Variants in POU6F2 observed in about 807,000 individuals in gnomAD.
POU6F2 encodes POU domain, class 6, transcription factor 2.
A neutral mutation model predicts 71.3 loss-of-function variants in POU6F2; 31 were observed. The ratio of observed to expected loss-of-function variants is 0.43; its 90% confidence interval spans 0.33 to 0.59. The LOEUF is 0.59. Ranked by LOEUF, POU6F2 falls within the 20% of genes least tolerant of loss-of-function variation. The pLI is 0.04. For synonymous variants in POU6F2, 347 were observed against 355.7 expected (o/e 0.98, Z 0.27); for missense variants, 783 against 856.8 (o/e 0.91, Z 1.07).
At chr7:39,308,877 G>A (rs889492813) in intron 4 of POU6F2, among the ~76,000 whole-genome samples, 3 of 152,244 alleles carry the variant, frequency 2.0e-5, no homozygotes, top group African/African-American at 4.8e-5. Flanking sequence ...GAATTGATCC[G>A]CCTACCTTCC....
chr7:39,413,779 A>C (rs1349178969), intron 6 of POU6F2, among the ~76,000 whole-genome samples: 2 of 152,330 alleles, frequency 1.3e-5, no homozygotes, highest in East Asian at 3.9e-4. Context: ...CCCTGACTTC[A>C]TCTGAGTTAT....
At chr7:39,082,770 G>T (rs1791149569) in intron 1 of POU6F2, among the ~76,000 whole-genome samples, 1 of 148,706 alleles carries the variant, frequency 6.7e-6, no homozygotes, top group Admixed American at 6.8e-5. Flanking sequence ...GCCTCACTAG[G>T]GGTTTGCTGT....
chr7:39,284,256 G>T (rs143911905), intron 4 of POU6F2, among the ~76,000 whole-genome samples: 82 of 152,318 alleles, frequency 5.4e-4, no homozygotes, highest in Non-Finnish European at 1.0e-3. Context: ...CTGTATAAGT[G>T]CATGTTTGTA....
chr7:39,160,642 C>T (rs1190610119), intron 2 of POU6F2, among the ~76,000 whole-genome samples: 1 of 152,186 alleles, frequency 6.6e-6, no homozygotes, highest in Non-Finnish European at 1.5e-5. Context: ...TTGGTAGAAA[C>T]CCTGCCTCTA....
intron 1 of POU6F2, among the ~76,000 whole-genome samples, chr7:39,063,276 A>G (rs1029031972): frequency 2.0e-4 from 30 of 152,316 alleles, no homozygotes; most frequent in Middle Eastern, 3.4e-3. Flanking sequence ...TGGGAGGCCA[A>G]GGCAGGAGGA....
At chr7:39,203,276 T>C (rs764893439) in intron 2 of POU6F2, among the ~76,000 whole-genome samples, 1 of 152,214 alleles carries the variant, frequency 6.6e-6, no homozygotes, top group Admixed American at 6.5e-5. Flanking sequence ...GGGTTTGAAT[T>C]GTCTTCCACT....
intron 1 of POU6F2, among the ~76,000 whole-genome samples, chr7:39,009,204 A>C (rs1789184666): frequency 6.6e-6 from 1 of 151,602 alleles, no homozygotes; most frequent in African/African-American, 2.4e-5. Context: ...TTCCTTGAGC[A>C]GTGGTTTGTA....
intron 5 of POU6F2, among the ~76,000 whole-genome samples, chr7:39,387,257 G>T (rs17619548): frequency 0.13 from 19,909 of 152,148 alleles, 1,446 homozygotes; most frequent in Admixed American, 0.21. Context: ...ATATGGACAC[G>T]CATGAACACA....
intron 2 of POU6F2, among the ~76,000 whole-genome samples, chr7:39,093,347 G>A (rs887853743): frequency 6.6e-6 from 1 of 152,046 alleles, no homozygotes; most frequent in Non-Finnish European, 1.5e-5. Flanking sequence ...AAATGGGACT[G>A]TATAATGAAA....
intron 1 of POU6F2, among the ~76,000 whole-genome samples, chr7:39,040,343 T>C (rs1790168325): frequency 6.6e-6 from 1 of 150,974 alleles, no homozygotes; most frequent in Non-Finnish European, 1.5e-5. Context: ...TTTCATTACA[T>C]AGAATTAACC....
intron 4 of POU6F2, among the ~76,000 whole-genome samples, chr7:39,331,617 C>T (rs904300687): frequency 2.0e-5 from 3 of 152,134 alleles, no homozygotes; most frequent in Non-Finnish European, 2.9e-5. Context: ...AAGCGATTCT[C>T]CTGCCTCAAC....
chr7:39,462,047 G>A (rs1172768482), intron 9 of POU6F2, among the ~76,000 whole-genome samples: 2 of 152,124 alleles, frequency 1.3e-5, no homozygotes, highest in South Asian at 4.1e-4. Flanking sequence ...ATTTTCTATT[G>A]GTGCTAAATT....
At chr7:39,191,013 A>C (rs1300478919) in intron 2 of POU6F2, among the ~76,000 whole-genome samples, 3 of 152,160 alleles carry the variant, frequency 2.0e-5, no homozygotes, top group Admixed American at 2.0e-4. Flanking sequence ...AACCTTGAGG[A>C]TCTTTAGAAA....
At chr7:39,212,650 C>T (rs1328290694) in intron 4 of POU6F2, among the ~76,000 whole-genome samples, 1 of 152,160 alleles carries the variant, frequency 6.6e-6, no homozygotes, top group Non-Finnish European at 1.5e-5. Flanking sequence ...TGTAAGCAAG[C>T]ACACACCTGT....
At chr7:39,189,033 A>G (rs577230572) in intron 2 of POU6F2, among the ~76,000 whole-genome samples, 142 of 152,328 alleles carry the variant, frequency 9.3e-4, no homozygotes, top group African/African-American at 2.8e-3. Context: ...GGTCCATCAT[A>G]TACTCTCAAA....
chr7:39,149,426 C>T (rs1792696769), intron 2 of POU6F2, among the ~76,000 whole-genome samples: 1 of 152,012 alleles, frequency 6.6e-6, no homozygotes, highest in Admixed American at 6.6e-5. Flanking sequence ...TCGAAGTTTA[C>T]AACTTGATGT....
At chr7:39,184,470 A>T (rs1793493018) in intron 2 of POU6F2, among the ~76,000 whole-genome samples, 1 of 152,144 alleles carries the variant, frequency 6.6e-6, no homozygotes, top group East Asian at 1.9e-4. Flanking sequence ...CGCCCAGCAC[A>T]TTTTTCCAGC....
intron 2 of POU6F2, among the ~76,000 whole-genome samples, chr7:39,195,768 A>G (rs1438520065): frequency 1.3e-5 from 2 of 152,206 alleles, no homozygotes; most frequent in Non-Finnish European, 2.9e-5. Context: ...AGAATGTTTT[A>G]GAAGTGGGCT....
chr7:39,240,948 G>T (rs1783714650), intron 4 of POU6F2, among the ~76,000 whole-genome samples: 1 of 152,078 alleles, frequency 6.6e-6, no homozygotes, highest in Non-Finnish European at 1.5e-5. Context: ...TGGCTCAACA[G>T]TGTCACTAAA....
Sources: gnomAD v4.1 joint callset for allele counts (sites outside exome capture counted in the v4.1 genomes callset) on GRCh38, gnomAD v4.1.1 for gene constraint, MANE v1.5 for transcripts, NCBI Gene and HGNC (gene_info 2026-07-23, HGNC 2026-07-21) for gene names.